STAG3: variants seen among roughly 807,000 people sequenced by gnomAD.
The protein encoded by STAG3 is STAG3 cohesin complex component, also known as cohesin subunit SA-3.
Under a neutral mutation model 160.7 loss-of-function variants are expected in STAG3, and 101 were observed. The ratio of observed to expected loss-of-function variants is 0.63; its 90% CI spans 0.54 to 0.74. The LOEUF is 0.74. STAG3 is among the 30% of genes least tolerant of loss of function. The pLI is 0.00. For missense variants in STAG3, 1,188 were observed against 1,517.4 expected (o/e 0.78, Z 3.61); for synonymous variants, 519 against 585.0 (o/e 0.89, Z 1.63).
At chr7:100,191,699 T>C (rs1054101301) in intron 8 of STAG3, among the ~76,000 whole-genome samples, 1 of 152,240 alleles carries the variant, frequency 6.6e-6, no homozygotes, top group Non-Finnish European at 1.5e-5. Context: ...GGGTAGTGGT[T>C]GCTGAAGGTT....
chr7:100,202,949 C>T (rs1320646760), intron 25 of STAG3, among the ~76,000 whole-genome samples: 1 of 152,156 alleles, frequency 6.6e-6, no homozygotes, highest in South Asian at 2.1e-4. Context: ...CCCCAGTTTC[C>T]TCAACCCACC....
intron 21 of STAG3, 41 bp from the exon 22 acceptor site, chr7:100,201,745 C>T: frequency 1.3e-6 from 2 of 1,585,266 alleles, no homozygotes; most frequent in South Asian, 1.1e-5. Flanking sequence ...CTCTCCCTCT[C>T]CTAACCCAAA....
At chr7:100,217,495 G>A (rs565696577), downstream of STAG3, among the ~76,000 whole-genome samples, 2 of 150,864 alleles carry the variant, frequency 1.3e-5, no homozygotes, top group Admixed American at 6.6e-5. Flanking sequence ...CCTCCTGTGC[G>A]GAGATGAGAG....
At chr7:100,190,408 C>T (rs1470231509) in intron 8 of STAG3, among the ~76,000 whole-genome samples, 5 of 152,170 alleles carry the variant, frequency 3.3e-5, no homozygotes, top group Non-Finnish European at 4.4e-5. Flanking sequence ...AGATCTCTTC[C>T]ATTCTAAATC....
chr7:100,202,525 A>C lies in STAG3; in HGVS notation c.2635A>C (p.Lys879Gln). 1 of 1,614,152 alleles carries C rather than the reference A, an allele frequency of 6.2e-7. No individual in the cohort carries two copies. The highest frequency in any genetic ancestry group is 8.5e-7 in the Non-Finnish European group (1 of 1,180,022). ...GCGCCGCCTCCTAGCCGGGTTCTGC[A>C]AGCTGTTGCTTTATGGGGTGCTGGA... ...QRRRLLAGFC[K>Q]LLLYGVLEMD... Residue 879 changes from lysine to glutamine, a missense_variant, in exon 25 of 34, where the codon AAG becomes CAG. Around this residue, in one of 4 missense-constraint regions of STAG3, gnomAD observed 647 missense variants for 717.2 expected, o/e 0.90. Transcript: ENST00000615138.
chr7:100,181,168 G>T (rs750008776), intron 2 of STAG3, among the ~76,000 whole-genome samples: 30 of 152,026 alleles, frequency 2.0e-4, no homozygotes, highest in Non-Finnish European at 3.7e-4. Flanking sequence ...TCTACTTGGG[G>T]ATTTTGTAAA....
At chr7:100,198,343 T>C (rs550828764) in intron 12 of STAG3, 132 bp from the exon 13 acceptor site, 1 of 1,153,638 alleles carries the variant, frequency 8.7e-7, no homozygotes, top group African/African-American at 1.5e-5. Context: ...TACTCCTTTG[T>C]CTTCCGCTCT....
chr7:100,198,686 C>T (rs2117270934), intron 13 of STAG3, 104 bp downstream of exon 13: 2 of 1,266,464 alleles, frequency 1.6e-6, no homozygotes, highest in East Asian at 4.7e-5. Context: ...TGAAAGTCTC[C>T]CTGGTGTCTC....
rs1338029501 is a variant in STAG3, at chr7:100,204,653, T to C, written c.2829T>C (p.His943=). Residue 943 remains histidine, a synonymous_variant, in exon 27 of 34, where the codon CAT becomes CAC. Coordinates refer to ENST00000615138, the MANE Select transcript of STAG3 (RefSeq NM_001282717.2). ...TGTACACAGAACTGCTGCAGGAGCA[T>C]GGGCCCCAGGGCCTGAATGAGCTTC... ...KQLYTELLQE[H]GPQGLNELPA... is the part of the protein sequence containing the mutation. The C allele has an allele frequency of 1.2e-6, 2 of 1,614,146 alleles. No homozygotes were observed. Among genetic ancestry groups the C allele is most frequent in the East Asian group, 2.2e-5 (1 of 44,878 alleles).
rs1800183133 is a variant in STAG3, at chr7:100,188,814, C to A, written c.513C>A (p.Asp171Glu). ...IQHLTEQFNE[D>E]SGDYPLIAPG... ...CCTTTTCATACATCCTTTTGTAGGA[C>A]TCGGGGGACTACCCTCTCATAGCTC... The change falls in exon 7 of 34, where the codon GAC (aspartate) becomes GAA (glutamate). Residue 171 changes from aspartate to glutamate, a missense_variant and splice_region_variant. Physicochemically the swap from Asp to Glu is conservative, Grantham distance 45 (BLOSUM62 2). Coordinates refer to ENST00000615138, the MANE Select transcript of STAG3 (RefSeq NM_001282717.2). 14 of 1,614,114 alleles carry A rather than the reference C, an allele frequency of 8.7e-6. No homozygotes were observed. The highest frequency in any genetic ancestry group is 1.1e-5 in the Non-Finnish European group (13 of 1,180,004).
intron 8 of STAG3, 40 bp downstream of exon 8, chr7:100,189,636 A>G (rs768624014): frequency 1.9e-6 from 3 of 1,585,944 alleles, no homozygotes; most frequent in Admixed American, 1.8e-5. Flanking sequence ...CTTTTTCCCA[A>G]CTTGCACCCA....
rs71126310 is a variant in STAG3, at chr7:100,184,463, G to GGTTTTTTTTT, written c.336+1624_336+1625insGTTTTTTTTT. 2.3e-4 allele frequency among the ~76,000 whole-genome samples: 23 copies of GGTTTTTTTTT among 98,586 alleles called. 4 individuals carry two copies. Among genetic ancestry groups the GGTTTTTTTTT allele is most frequent in the East Asian group, 1.0e-3 (3 of 2,860 alleles). The allele number at this position is 98,586 out of a possible 152,430, so 64.7% of individuals were successfully genotyped here. ...TTATATGCAGTTGTACAGCGTGTTA[G>GGTTTTTTTTT]TTTTTTTTTTTTTTTTTTTTTTTGA... On this transcript the variant is annotated intron_variant, in intron 4 of 33. Coordinates refer to ENST00000615138, the MANE Select transcript of STAG3 (RefSeq NM_001282717.2).
intron 1 of STAG3, among the ~76,000 whole-genome samples, chr7:100,179,976 C>T (rs1405809088): frequency 6.6e-6 from 1 of 152,220 alleles, no homozygotes; most frequent in African/African-American, 2.4e-5. Context: ...CTCAGGTGAT[C>T]TGCCTGCCTC....
In STAG3 at chr7:100,201,761, T is replaced by A. The variant is rs994276175; in HGVS notation, c.2221-25T>A. 3 of 1,612,350 alleles carry A rather than the reference T, an allele frequency of 1.9e-6. No homozygotes were observed. In the Admixed American group the frequency reaches 5.0e-5, roughly 27 times the overall value. ...TCTCCCTCTCCTAACCCAAACCTCA[T>A]TTTTCAAACCCTTTGTTGTTACAGG... On this transcript the variant is annotated intron_variant, in intron 21 of 33. Coordinates refer to ENST00000615138, the MANE Select transcript of STAG3 (RefSeq NM_001282717.2).
At chr7:100,215,346 GCCC>G (rs1802666165), downstream of STAG3, among the ~76,000 whole-genome samples, 1 of 146,270 alleles carries the variant, frequency 6.8e-6, no homozygotes, top group African/African-American at 2.5e-5. Flanking sequence ...CTCCCTCCCC[GCCC>G]CCACCTGCCC....
At chr7:100,189,415 A>G (rs1562970839) in intron 7 of STAG3, 30 bp from the exon 8 acceptor site, 5 of 1,599,580 alleles carry the variant, frequency 3.1e-6, no homozygotes, top group Non-Finnish European at 4.3e-6. Flanking sequence ...CTCAGTAATG[A>G]TTTCTTTATC....
At position 100,200,846 on chromosome 7, in the gene STAG3, G is replaced by A. The variant is rs752238264; in HGVS notation, c.1938G>A (p.Ala646=). 18 of 1,614,058 alleles carry A rather than the reference G, an allele frequency of 1.1e-5. No individual in the cohort carries two copies. The African/African-American group carries it at 1.2e-4, about 11-fold the overall frequency. Residue 646 remains alanine (A), a synonymous_variant, in exon 19 of 34, where the codon GCG becomes GCA. Coordinates refer to ENST00000615138, the MANE Select transcript of STAG3 (RefSeq NM_001282717.2). ...HAEPAVLEAG[A]HALYLLCNPE... ...AGCCAGCGGTGCTTGAGGCTGGGGCGCATGCCCTCTACCTGCTCTGTAATC... is the reference window on the plus strand; with the variant it reads ...AGCCAGCGGTGCTTGAGGCTGGGGCACATGCCCTCTACCTGCTCTGTAATC...
At chr7:100,196,780 G>A (rs976368986) in intron 9 of STAG3, among the ~76,000 whole-genome samples, 10 of 152,168 alleles carry the variant, frequency 6.6e-5, no homozygotes, top group African/African-American at 2.4e-4. Context: ...AACAGGTGGA[G>A]TGGAGAATTA....
intron 8 of STAG3, among the ~76,000 whole-genome samples, chr7:100,190,438 C>A (rs1409689293): frequency 1.3e-5 from 2 of 152,148 alleles, no homozygotes; most frequent in African/African-American, 4.8e-5. Flanking sequence ...GGAAACTTTC[C>A]ACTTCCCTTA....
Sources: gnomAD v4.1 joint callset for allele counts (sites outside exome capture counted in the v4.1 genomes callset) on GRCh38, gnomAD v4.1.1 for gene constraint, gnomAD v4.1.1 regional missense constraint, MANE v1.5 for transcripts, NCBI Gene and HGNC (gene_info 2026-07-23, HGNC 2026-07-21) for gene names.